PALM2AKAP2: variants seen among roughly 807,000 people sequenced by gnomAD.
The protein encoded by PALM2AKAP2 is PALM2 and AKAP2 fusion, also known as PALM2-AKAP2 fusion protein.
Under a neutral mutation model 71.5 loss-of-function variants are expected in PALM2AKAP2, and 37 were observed. The ratio of observed to expected loss-of-function variants is 0.52; its 90% CI spans 0.40 to 0.68. The LOEUF is 0.68. PALM2AKAP2 is among the 30% of genes least tolerant of loss of function. The probability of loss-of-function intolerance (pLI) is 0.00; values close to 1 mark genes in which losing one functional copy is unlikely to be tolerated. For missense variants in PALM2AKAP2, 1,224 were observed against 1,191.8 expected, an observed-to-expected ratio of 1.03 and a Z score of -0.40; for synonymous variants, 468 against 478.8, an observed-to-expected ratio of 0.98 and a Z score of 0.29.
intron 1 of PALM2AKAP2, among the ~76,000 whole-genome samples, chr9:110,049,597 G>A (rs1263194926): frequency 6.6e-6 from 1 of 152,148 alleles, no homozygotes; most frequent in Admixed American, 6.5e-5. Context: ...TTGCGTCTCT[G>A]TGGGCCCTTC....
intron 1 of PALM2AKAP2, among the ~76,000 whole-genome samples, chr9:109,755,360 C>T (rs1828943794): frequency 6.6e-6 from 1 of 152,088 alleles, no homozygotes; most frequent in Non-Finnish European, 1.5e-5. Context: ...GCCACAGTGG[C>T]CTTCAGACTC....
intron 3 of PALM2AKAP2, among the ~76,000 whole-genome samples, chr9:109,917,782 C>T (rs530735022): frequency 6.6e-6 from 1 of 152,296 alleles, no homozygotes; most frequent in Non-Finnish European, 1.5e-5. Context: ...GCATGAGCCA[C>T]CGCACCCAGC....
intron 2 of PALM2AKAP2, among the ~76,000 whole-genome samples, chr9:109,873,296 C>T (rs997966996): frequency 6.6e-6 from 1 of 152,044 alleles, no homozygotes; most frequent in Non-Finnish European, 1.5e-5. Flanking sequence ...AACCCTGTCT[C>T]TACTAAAAAT....
At chr9:109,968,708 T>C (rs1221033566) in intron 6 of PALM2AKAP2, among the ~76,000 whole-genome samples, 1 of 152,132 alleles carries the variant, frequency 6.6e-6, no homozygotes, top group African/African-American at 2.4e-5. Flanking sequence ...ACAGGAATTG[T>C]GGGGGGAAGC....
chr9:109,802,383 C>T (rs1158783432), intron 1 of PALM2AKAP2, among the ~76,000 whole-genome samples: 2 of 152,218 alleles, frequency 1.3e-5, no homozygotes, highest in African/African-American at 4.8e-5. Context: ...TCATTTTGCC[C>T]TGGGCCCTAC....
chr9:109,726,028 C>T (rs1374107489), intron 1 of PALM2AKAP2, among the ~76,000 whole-genome samples: 1 of 152,160 alleles, frequency 6.6e-6, no homozygotes, highest in Non-Finnish European at 1.5e-5. Flanking sequence ...ATAGCTCTGC[C>T]CATCACCCAG....
chr9:110,086,202 CTT>C (rs1834571390), intron 1 of PALM2AKAP2, among the ~76,000 whole-genome samples: 1 of 151,686 alleles, frequency 6.6e-6, no homozygotes, highest in African/African-American at 2.4e-5. Context: ...CAATTTAACT[CTT>C]AAACTCTGTT....
chr9:109,822,903 C>T (rs1342026788), intron 1 of PALM2AKAP2, among the ~76,000 whole-genome samples: 3 of 152,168 alleles, frequency 2.0e-5, no homozygotes, highest in Non-Finnish European at 4.4e-5. Context: ...ATTGCTGGGT[C>T]GAATGGTAGC....
intron 3 of PALM2AKAP2, among the ~76,000 whole-genome samples, chr9:109,906,471 T>C (rs1221570940): frequency 2.0e-5 from 3 of 152,226 alleles, no homozygotes; most frequent in South Asian, 2.1e-4. Flanking sequence ...AGTGCTGAGA[T>C]TACAGGCATG....
Position 109,695,531 on chromosome 9 carries a change from C to T in PALM2AKAP2, c.5+54665C>T, listed in dbSNP as rs540104598. ...GGTATCTTACTACGGTTTTGATTTG[C>T]GTTTCCCTGATGATTAGTGTTGTTG... On this transcript the variant is annotated intron_variant, in intron 1 of 6. Coordinates refer to the PALM2AKAP2 transcript ENST00000374531. Among the ~76,000 whole-genome samples the T allele has an allele frequency of 1.4e-4, 21 of 152,132 alleles. No homozygotes were observed. The South Asian group carries it at 3.1e-3, about 23-fold the overall frequency.
chr9:109,989,910 A>G (rs1832444340), intron 6 of PALM2AKAP2, among the ~76,000 whole-genome samples: 1 of 152,358 alleles, frequency 6.6e-6, no homozygotes. Flanking sequence ...CTTCCACGTC[A>G]GTTAAGGATT....
intron 6 of PALM2AKAP2, among the ~76,000 whole-genome samples, chr9:109,938,007 T>G (rs1315278896): frequency 6.6e-6 from 1 of 152,186 alleles, no homozygotes; most frequent in African/African-American, 2.4e-5. Context: ...CTCTGTGCTT[T>G]GTGGTTAGAG....
At chr9:110,019,378 A>C (rs548496240) in intron 7 of PALM2AKAP2, among the ~76,000 whole-genome samples, 302 of 152,362 alleles carry the variant, frequency 2.0e-3, no homozygotes, top group Non-Finnish European at 2.7e-3. Context: ...AATGTAAATT[A>C]GTTCAACCCC....
chr9:109,837,833 C>A (rs1828524079), intron 1 of PALM2AKAP2, among the ~76,000 whole-genome samples: 1 of 152,162 alleles, frequency 6.6e-6, no homozygotes, highest in Admixed American at 6.6e-5. Context: ...AGCTAACTAT[C>A]CTAAATATAT....
At chr9:110,138,097 T>A (rs1181419884) in exon 2 of PALM2AKAP2, 3 of 1,614,032 alleles carry the variant, frequency 1.9e-6, no homozygotes, top group Non-Finnish European at 2.5e-6. Context: ...CAGAAAAGCC[T>A]CAGAGCATGT....
At chr9:109,987,815 C>A (rs1832408754) in intron 6 of PALM2AKAP2, among the ~76,000 whole-genome samples, 1 of 152,188 alleles carries the variant, frequency 6.6e-6, no homozygotes, top group Admixed American at 6.5e-5. Context: ...ATGGCTGCCA[C>A]AGCATAAACA....
chr9:109,670,887 T>A (rs376811432), intron 1 of PALM2AKAP2, among the ~76,000 whole-genome samples: 2 of 152,362 alleles, frequency 1.3e-5, no homozygotes, highest in African/African-American at 4.8e-5. Flanking sequence ...TGAGCCTTTT[T>A]CATATAATTG....
intron 2 of PALM2AKAP2, among the ~76,000 whole-genome samples, chr9:109,872,897 TCTC>T (rs763837162): frequency 6.6e-6 from 1 of 152,232 alleles, no homozygotes; most frequent in Non-Finnish European, 1.5e-5. Context: ...TAACCTTAGA[TCTC>T]CTCCCTTGTT....
chr9:109,686,908 A>G (rs1023967585), intron 1 of PALM2AKAP2, among the ~76,000 whole-genome samples: 3 of 144,956 alleles, frequency 2.1e-5, no homozygotes, highest in Non-Finnish European at 3.0e-5. Flanking sequence ...ATTCCCACCT[A>G]TGAGTGAGAA....
Sources: allele counts gnomAD v4.1 joint callset (sites outside exome capture counted in the v4.1 genomes callset), GRCh38; gene constraint gnomAD v4.1.1; transcripts MANE v1.5; gene names NCBI Gene and HGNC (gene_info 2026-07-23, HGNC 2026-07-21).